The following TUSC3 variants were observed in gnomAD, a reference collection of about 807,000 sequenced individuals.
TUSC3 encodes dolichyl-diphosphooligosaccharide--protein glycosyltransferase subunit TUSC3.
Under a neutral mutation model 44.8 loss-of-function variants are expected in TUSC3, and 45 were observed. That is an observed-to-expected ratio of 1.00 (90% CI 0.79 to 1.29). The LOEUF is 1.29. Ranked by LOEUF, TUSC3 falls within the 50% of genes most tolerant of loss-of-function variation. TUSC3 has a pLI of 0.00. For synonymous variants in TUSC3, 212 were observed against 152.9 expected, an observed-to-expected ratio of 1.39 and a Z score of -2.85; for missense variants, 519 against 437.9, an observed-to-expected ratio of 1.19 and a Z score of -1.65.
intron 2 of TUSC3, among the ~76,000 whole-genome samples, chr8:15,641,753 A>G (rs1806382719): frequency 6.6e-6 from 1 of 152,198 alleles, no homozygotes; most frequent in East Asian, 1.9e-4. Flanking sequence ...TTCAAAATTC[A>G]TGTGTTACCT....
At chr8:15,589,273 C>G (rs918184662) in intron 1 of TUSC3, among the ~76,000 whole-genome samples, 1 of 152,112 alleles carries the variant, frequency 6.6e-6, no homozygotes, top group Non-Finnish European at 1.5e-5. Context: ...TTTATCCAGT[C>G]TGTAACTTTT....
In TUSC3 at chr8:15,425,829, A is replaced by AT. The variant is rs541535108; in HGVS notation, n.91+8525dup. On this transcript the variant is annotated intron_variant and non_coding_transcript_variant, in intron 1 of 5. Coordinates refer to the TUSC3 transcript ENST00000503191. ...TTAGACCCTACCACAAATATAATCAATGTATCCTATGTCAAACTCATAATT... is the reference window on the plus strand; with the variant it reads ...TTAGACCCTACCACAAATATAATCAATTGTATCCTATGTCAAACTCATAATT... Among the ~76,000 whole-genome samples the AT allele has an allele frequency of 4.9e-4, 75 of 152,296 alleles. No homozygotes were observed. The South Asian group carries it at 6.4e-3, about 13-fold the overall frequency.
intron 1 of TUSC3, among the ~76,000 whole-genome samples, chr8:15,562,128 T>G (rs1215149174): frequency 6.6e-6 from 1 of 152,148 alleles, no homozygotes; most frequent in Non-Finnish European, 1.5e-5. Flanking sequence ...TCAGAGATCT[T>G]GGAGATAAGA....
At chr8:15,520,414 A>C (rs1801282206) in intron 2 of TUSC3, among the ~76,000 whole-genome samples, 1 of 152,214 alleles carries the variant, frequency 6.6e-6, no homozygotes, top group Non-Finnish European at 1.5e-5. Flanking sequence ...TAAATGGGAT[A>C]ATTTATTACG....
intron 2 of TUSC3, among the ~76,000 whole-genome samples, chr8:15,513,847 T>G (rs1801175581): frequency 6.6e-6 from 1 of 152,176 alleles, no homozygotes; most frequent in African/African-American, 2.4e-5. Flanking sequence ...CCTTCTCTTT[T>G]CAGTCTAACT....
At chr8:15,485,342 C>T (rs776939680) in intron 2 of TUSC3, among the ~76,000 whole-genome samples, 2 of 152,088 alleles carry the variant, frequency 1.3e-5, no homozygotes, top group South Asian at 4.1e-4. Context: ...TTCTTTGCTG[C>T]ATTTTTATCT....
At chr8:15,701,207 G>A (rs1809390620) in intron 6 of TUSC3, among the ~76,000 whole-genome samples, 1 of 152,010 alleles carries the variant, frequency 6.6e-6, no homozygotes, top group African/African-American at 2.4e-5. Flanking sequence ...AATAATCAAT[G>A]TAAAACCTTT....
intron 2 of TUSC3, among the ~76,000 whole-genome samples, chr8:15,503,132 G>T (rs572602987): frequency 6.6e-6 from 1 of 152,028 alleles, no homozygotes; most frequent in African/African-American, 2.4e-5. Context: ...TGGAGGGTTG[G>T]GTCTTCAAAG....
chr8:15,713,759 A>G (rs959770598), intron 6 of TUSC3, among the ~76,000 whole-genome samples: 1 of 152,064 alleles, frequency 6.6e-6, no homozygotes, highest in Non-Finnish European at 1.5e-5. Context: ...TAGTGACCTC[A>G]TTTAATGACC....
upstream of TUSC3, among the ~76,000 whole-genome samples, chr8:15,537,726 G>T (rs115945538): frequency 8.3e-3 from 1,266 of 152,250 alleles, 21 homozygotes; most frequent in African/African-American, 0.029. Flanking sequence ...CAGCTTTGAG[G>T]CTCTGAAAAT....
intron 6 of TUSC3, among the ~76,000 whole-genome samples, chr8:15,708,451 A>G (rs1809709529): frequency 6.6e-6 from 1 of 152,152 alleles, no homozygotes; most frequent in African/African-American, 2.4e-5. Flanking sequence ...TTAAAAGACT[A>G]GTCTGAAGAC....
At chr8:15,775,681 TAC>T in the TUSC3 span, among the ~76,000 whole-genome samples, 32 of 122,600 alleles carry the variant, frequency 2.6e-4, no homozygotes, top group Middle Eastern at 4.3e-3. Context: ...CACACATAAA[TAC>T]ATATGTACAC....
chr8:15,665,989 T>C (rs1807642753), intron 5 of TUSC3, among the ~76,000 whole-genome samples: 1 of 151,442 alleles, frequency 6.6e-6, no homozygotes, highest in Non-Finnish European at 1.5e-5. Context: ...AGCATATACA[T>C]TACTTGCTTT....
At chr8:15,584,427 A>C (rs1255645446) in intron 1 of TUSC3, among the ~76,000 whole-genome samples, 2 of 152,222 alleles carry the variant, frequency 1.3e-5, no homozygotes, top group South Asian at 2.1e-4. Context: ...CATGCATTAA[A>C]TGAGTGCTAG....
chr8:15,818,668 A>G, the TUSC3 span, among the ~76,000 whole-genome samples: 53 of 152,316 alleles, frequency 3.5e-4, no homozygotes, highest in African/African-American at 1.2e-3. Context: ...CACTTTTTAA[A>G]TTTTTACAAA....
chr8:15,668,684 A>G (rs1191798013), intron 5 of TUSC3, among the ~76,000 whole-genome samples: 1 of 151,794 alleles, frequency 6.6e-6, no homozygotes, highest in African/African-American at 2.4e-5. Context: ...TACTTCCAAA[A>G]GGACTAGCTT....
chr8:15,622,594 C>G (rs980356517), intron 1 of TUSC3, among the ~76,000 whole-genome samples: 4 of 152,186 alleles, frequency 2.6e-5, no homozygotes, highest in African/African-American at 9.7e-5. Flanking sequence ...TCAGTTTTTC[C>G]TATTTTTGAC....
At chr8:15,456,440 G>C (rs938260944) in intron 1 of TUSC3, among the ~76,000 whole-genome samples, 1 of 152,180 alleles carries the variant, frequency 6.6e-6, no homozygotes, top group Non-Finnish European at 1.5e-5. Flanking sequence ...GAAACGTAAA[G>C]AGATAATAAT....
intron 1 of TUSC3, among the ~76,000 whole-genome samples, chr8:15,433,584 A>T (rs1046110139): frequency 1.3e-5 from 2 of 151,628 alleles, no homozygotes; most frequent in African/African-American, 4.9e-5. Flanking sequence ...ACACACATAC[A>T]CACACCACCA....
Sources: allele counts gnomAD v4.1 joint callset (sites outside exome capture counted in the v4.1 genomes callset), GRCh38; gene constraint gnomAD v4.1.1; transcripts MANE v1.5; gene names NCBI Gene and HGNC (gene_info 2026-07-23, HGNC 2026-07-21).